The following ERC1 variants were observed in gnomAD, a reference collection of about 807,000 sequenced individuals.
The protein encoded by ERC1 is ELKS/RAB6-interacting/CAST family member 1, also known as RAB6 interacting protein 2.
Under a neutral mutation model 132.0 loss-of-function variants are expected in ERC1, and 56 were observed. That is an observed-to-expected ratio of 0.42 (90% confidence interval 0.34 to 0.53). The LOEUF (loss-of-function observed/expected upper bound fraction) is 0.53. ERC1 is among the 20% of genes least tolerant of loss of function. ERC1 has a pLI of 0.03. For synonymous variants in ERC1, 478 were observed against 476.1 expected, an observed-to-expected ratio of 1.00 and a Z score of -0.05; for missense variants, 1,202 against 1,349.9, an observed-to-expected ratio of 0.89 and a Z score of 1.72.
At chr12:1,196,836 GTCTC>G (rs373521450) in intron 12 of ERC1, among the ~76,000 whole-genome samples, 3 of 49,244 alleles carry the variant, frequency 6.1e-5, no homozygotes, top group Non-Finnish European at 1.3e-4. Context: ...CTCTCTGTCT[GTCTC>G]TCTGTCTGTC....
Position 1,494,529 on chromosome 12 carries a change from G to A in ERC1, c.*4299G>A, listed in dbSNP as rs899147184. 4.3e-6 allele frequency: 1 copy of A among 231,254 alleles called. No homozygotes were observed. Among genetic ancestry groups the A allele is most frequent in the Non-Finnish European group, 8.6e-6 (1 of 116,892 alleles). 14.3% of individuals were successfully genotyped at this position (231,254 alleles called of 1,614,324 possible). On this transcript the variant is annotated 3_prime_UTR_variant, in exon 19 of 19. Coordinates refer to ENST00000360905, the MANE Select transcript of ERC1 (RefSeq NM_178040.4). ...CTTCACCTACTCTTCAGCAAAAACC[G>A]TCTCCAGACTTTTTAGTGTCAAAAA... is the stretch of plus-strand genomic sequence containing the variant.
Position 1,327,499 on chromosome 12 carries a change from G to GT in ERC1, c.2780+37490dup, listed in dbSNP as rs1015123352. 9.9e-5 allele frequency among the ~76,000 whole-genome samples: 15 copies of GT among 152,164 alleles called. No homozygotes were observed. In the East Asian group the frequency reaches 2.7e-3, roughly 27 times the overall value. On this transcript the variant is annotated intron_variant, in intron 15 of 18. Coordinates refer to ENST00000360905, the MANE Select transcript of ERC1 (RefSeq NM_178040.4). ...TGCACATGACAGTTGATCTTGGGTT[G>GT]TTTCAGTACTTTCCTTGGTTTTCCT...
At chr12:1,361,467 A>T (rs192739405) in intron 15 of ERC1, among the ~76,000 whole-genome samples, 183 of 152,214 alleles carry the variant, frequency 1.2e-3, no homozygotes, top group Non-Finnish European at 1.5e-3. Context: ...TTAAACTAGT[A>T]AACAATTTGT....
At chr12:1,063,416 A>G (rs1184135813) in intron 2 of ERC1, among the ~76,000 whole-genome samples, 1 of 152,088 alleles carries the variant, frequency 6.6e-6, no homozygotes, top group Non-Finnish European at 1.5e-5. Flanking sequence ...ATGTGCCACC[A>G]CGCCTGGCTA....
intron 1 of ERC1, among the ~76,000 whole-genome samples, chr12:1,021,693 C>T (rs1213063336): frequency 2.0e-5 from 3 of 147,392 alleles, no homozygotes; most frequent in Non-Finnish European, 4.5e-5. Flanking sequence ...AACAAGACTC[C>T]GTCTCAAAAA....
At chr12:1,291,459 T>G (rs1181020865) in intron 15 of ERC1, among the ~76,000 whole-genome samples, 2 of 152,204 alleles carry the variant, frequency 1.3e-5, no homozygotes, top group Non-Finnish European at 2.9e-5. Flanking sequence ...AAGGTTTAAA[T>G]TATTCAATTA....
intron 17 of ERC1, among the ~76,000 whole-genome samples, chr12:1,438,952 A>ATATAT (rs1555093159): frequency 8.7e-6 from 1 of 114,962 alleles, no homozygotes; most frequent in African/African-American, 4.1e-5. Flanking sequence ...AATTTAAAAA[A>ATATAT]AAATATATAT....
At chr12:1,016,635 CT>C (rs397967271) in intron 1 of ERC1, among the ~76,000 whole-genome samples, 214 of 128,022 alleles carry the variant, frequency 1.7e-3, no homozygotes, top group Admixed American at 1.9e-3. Flanking sequence ...CTTTTCTTTT[CT>C]TTTTTTTTTT....
At chr12:1,260,301 C>T (rs1437688211) in intron 13 of ERC1, among the ~76,000 whole-genome samples, 1 of 152,194 alleles carries the variant, frequency 6.6e-6, no homozygotes, top group African/African-American at 2.4e-5. Context: ...CCAGTGTCTT[C>T]TGATTTGTTG....
intron 3 of ERC1, among the ~76,000 whole-genome samples, chr12:1,084,590 G>C (rs1448258849): frequency 6.6e-6 from 1 of 151,776 alleles, no homozygotes; most frequent in Non-Finnish European, 1.5e-5. Context: ...AGTAAAATTG[G>C]GAAATAGATT....
chr12:1,261,248 C>T (rs778616546), intron 13 of ERC1, among the ~76,000 whole-genome samples: 13 of 152,124 alleles, frequency 8.5e-5, no homozygotes, highest in Non-Finnish European at 1.6e-4. Context: ...TCTCAGGAGA[C>T]TTGCAAAAAA....
intron 16 of ERC1, among the ~76,000 whole-genome samples, chr12:1,384,767 G>C (rs2089131841): frequency 6.6e-6 from 1 of 152,114 alleles, no homozygotes; most frequent in Non-Finnish European, 1.5e-5. Context: ...TGTGGTAGTT[G>C]GTTTTCAGGG....
At chr12:1,296,615 G>T (rs2079970575) in intron 15 of ERC1, among the ~76,000 whole-genome samples, 1 of 151,968 alleles carries the variant, frequency 6.6e-6, no homozygotes, top group South Asian at 2.1e-4. Flanking sequence ...GTTTTTCCAT[G>T]TTGGTCAGGC....
chr12:1,044,729 A>C (rs906581079), intron 2 of ERC1, among the ~76,000 whole-genome samples: 4 of 152,146 alleles, frequency 2.6e-5, no homozygotes, highest in African/African-American at 9.6e-5. Context: ...GGGACCTATA[A>C]AATTTTTTTA....
intron 1 of ERC1, among the ~76,000 whole-genome samples, chr12:1,005,502 C>T (rs896664486): frequency 3.3e-5 from 5 of 152,090 alleles, no homozygotes; most frequent in South Asian, 2.1e-4. Flanking sequence ...TTCTCCCTTG[C>T]ATTTAGATAT....
intron 17 of ERC1, among the ~76,000 whole-genome samples, chr12:1,440,645 T>C (rs2093120545): frequency 7.3e-6 from 1 of 136,374 alleles, no homozygotes; most frequent in Non-Finnish European, 1.6e-5. Context: ...TGTGTGTGTG[T>C]GTGTGTGTGT....
At chr12:1,029,176 AC>A (rs1967504453) in intron 2 of ERC1, among the ~76,000 whole-genome samples, 1 of 151,816 alleles carries the variant, frequency 6.6e-6, no homozygotes, top group Non-Finnish European at 1.5e-5. Context: ...ACGTGGTGAA[AC>A]CCTGACTCTA....
At chr12:1,349,713 T>C (rs1180760547) in intron 15 of ERC1, among the ~76,000 whole-genome samples, 2 of 151,418 alleles carry the variant, frequency 1.3e-5, no homozygotes, top group African/African-American at 2.4e-5. Flanking sequence ...GTGTTGGCCG[T>C]TTTAGGTGCT....
intron 1 of ERC1, among the ~76,000 whole-genome samples, chr12:1,021,200 C>T (rs1966307335): frequency 6.6e-6 from 1 of 152,058 alleles, no homozygotes; most frequent in Admixed American, 6.5e-5. Flanking sequence ...CTCAGCCTCC[C>T]AAAGTGCTGG....
Sources: gnomAD v4.1 joint callset for allele counts (sites outside exome capture counted in the v4.1 genomes callset) on GRCh38, gnomAD v4.1.1 for gene constraint, MANE v1.5 for transcripts, NCBI Gene and HGNC (gene_info 2026-07-23, HGNC 2026-07-21) for gene names.